Variants in MANEA observed in about 807,000 individuals in gnomAD.
MANEA encodes the protein mannosidase endo-alpha.
Under a neutral mutation model 36.8 loss-of-function variants are expected in MANEA, and 25 were observed. The observed-to-expected ratio is 0.68, with a 90% CI of 0.50 to 0.95. The LOEUF (loss-of-function observed/expected upper bound fraction) is 0.95, where lower values mean the gene tolerates loss of function less well. Among genes scored for constraint, MANEA ranks in the 40% least tolerant of loss-of-function variants. The pLI, the probability that MANEA is intolerant of heterozygous loss-of-function variation, is 0.00. For synonymous variants in MANEA, 198 were observed against 188.5 expected, an observed-to-expected ratio of 1.05 and a Z score of -0.41; for missense variants, 565 against 558.8, an observed-to-expected ratio of 1.01 and a Z score of -0.11.
At chr6:95,587,024 T>C in intron 2 of MANEA, 41 bp downstream of exon 2, 1 of 1,133,046 alleles carries the variant, frequency 8.8e-7, no homozygotes, top group Non-Finnish European at 1.3e-6. Flanking sequence ...TGTGTCTGTA[T>C]ATATGCATAT....
At chr6:95,580,222 A>T (rs1769153562) in intron 1 of MANEA, among the ~76,000 whole-genome samples, 1 of 151,840 alleles carries the variant, frequency 6.6e-6, no homozygotes. Flanking sequence ...AGATATACAT[A>T]TATATATATA....
In MANEA at chr6:95,606,485, CTG is replaced by C. The variant is rs1360373764; in HGVS notation, c.*82_*83del. 8.0e-6 allele frequency: 8 copies of C among 996,094 alleles called. No individual in the cohort carries two copies. Among genetic ancestry groups the C allele is most frequent in the Non-Finnish European group, 1.2e-5 (8 of 694,890 alleles). 61.7% of individuals were successfully genotyped at this position (996,094 alleles called of 1,614,324 possible). ...TTCGTTTTGAGTTCTGGAAAGAAAA[CTG>C]TCAAAATCAGTATATACTATTAGTT... On this transcript the variant is annotated 3_prime_UTR_variant, in exon 5 of 5. Transcript: ENST00000358812.
At chr6:95,590,722 C>CA (rs929609486) in intron 2 of MANEA, among the ~76,000 whole-genome samples, 179 of 151,822 alleles carry the variant, frequency 1.2e-3, no homozygotes, top group African/African-American at 4.2e-3. Context: ...CCTTTGGCTA[C>CA]AAAAAAAATT....
At chr6:95,577,892 C>T (rs529552061) in intron 1 of MANEA, among the ~76,000 whole-genome samples, 1 of 152,262 alleles carries the variant, frequency 6.6e-6, no homozygotes, top group Non-Finnish European at 1.5e-5. Flanking sequence ...CTGCCTTTTA[C>T]ACTGCTTTAT....
chr6:95,577,709 C>G (rs114256845), intron 1 of MANEA, 71 bp downstream of exon 1: 2 of 152,286 alleles, frequency 1.3e-5, no homozygotes, highest in African/African-American at 4.8e-5. Context: ...CGAGGTCCAC[C>G]GCGGGCGCCT....
At chr6:95,599,371 G>A (rs1769546462) in intron 3 of MANEA, among the ~76,000 whole-genome samples, 1 of 151,116 alleles carries the variant, frequency 6.6e-6, no homozygotes, top group African/African-American at 2.4e-5. Context: ...AGCTGAGATT[G>A]GTGCCACTGC....
chr6:95,578,453 G>A (rs545730570), intron 1 of MANEA, among the ~76,000 whole-genome samples: 69 of 152,260 alleles, frequency 4.5e-4, no homozygotes, highest in African/African-American at 1.6e-3. Context: ...GGAATAGGCT[G>A]TTCACGTTAA....
intron 1 of MANEA, among the ~76,000 whole-genome samples, chr6:95,579,220 A>G (rs1467005262): frequency 6.6e-6 from 1 of 152,116 alleles, no homozygotes; most frequent in Non-Finnish European, 1.5e-5. Flanking sequence ...TAAAAATACA[A>G]AAATTAGCTG....
rs977744277 is a variant in MANEA at position 95,607,017 on chromosome 6, A to G, written c.*612A>G. The G allele has an allele frequency of 2.0e-5, 3 of 152,094 alleles. No individual in the cohort carries two copies. Among genetic ancestry groups the G allele is most frequent in the Admixed American group, 1.3e-4 (2 of 15,248 alleles). The allele number at this position is 152,094 out of a possible 1,614,324, so 9.4% of individuals were successfully genotyped here. ...ATACTCTTATTTTTTATTTAATTTAATTACATAAATTAAACCTTACCATGA... is the reference window on the plus strand; with the variant it reads ...ATACTCTTATTTTTTATTTAATTTAGTTACATAAATTAAACCTTACCATGA... On this transcript the variant is annotated 3_prime_UTR_variant, in exon 5 of 5. Transcript: ENST00000358812.
At chr6:95,597,040 C>T (rs1414850361) in intron 3 of MANEA, among the ~76,000 whole-genome samples, 194 bp downstream of exon 3, 1 of 151,710 alleles carries the variant, frequency 6.6e-6, no homozygotes, top group African/African-American at 2.4e-5. Context: ...AGATTCTTTA[C>T]TATGTTTCTA....
At chr6:95,593,193 A>G (rs771633638) in intron 2 of MANEA, among the ~76,000 whole-genome samples, 2 of 152,200 alleles carry the variant, frequency 1.3e-5, no homozygotes, top group African/African-American at 2.4e-5. Context: ...TAAATTCCCA[A>G]CACTCCTCAG....
intron 3 of MANEA, among the ~76,000 whole-genome samples, chr6:95,604,105 C>G (rs1220971826): frequency 1.7e-5 from 1 of 58,550 alleles, no homozygotes; most frequent in Non-Finnish European, 4.2e-5. Context: ...TATGGGATAT[C>G]CAAACCATAA....
chr6:95,591,688 T>G (rs1482370159), intron 2 of MANEA, among the ~76,000 whole-genome samples: 1 of 152,070 alleles, frequency 6.6e-6, no homozygotes, highest in Non-Finnish European at 1.5e-5. Flanking sequence ...TTTTGCTAAA[T>G]TCTTAGTGAT....
intron 1 of MANEA, among the ~76,000 whole-genome samples, chr6:95,583,766 T>C (rs533576835): frequency 5.9e-5 from 9 of 152,276 alleles, no homozygotes; most frequent in Admixed American, 5.2e-4. Context: ...AATGTTTACT[T>C]TATATGTTTT....
At chr6:95,578,621 A>G (rs1052498214) in intron 1 of MANEA, among the ~76,000 whole-genome samples, 3 of 152,136 alleles carry the variant, frequency 2.0e-5, no homozygotes, top group Admixed American at 6.5e-5. Flanking sequence ...GTGGATTTTC[A>G]GGCTCAATGC....
At chr6:95,583,905 G>C (rs1382849659) in intron 1 of MANEA, among the ~76,000 whole-genome samples, 1 of 152,170 alleles carries the variant, frequency 6.6e-6, no homozygotes, top group Non-Finnish European at 1.5e-5. Flanking sequence ...TACTTGGTTA[G>C]TTTAGTGTTT....
At chr6:95,597,638 A>G (rs1202474057) in intron 3 of MANEA, among the ~76,000 whole-genome samples, 4 of 152,066 alleles carry the variant, frequency 2.6e-5, no homozygotes, top group Non-Finnish European at 4.4e-5. Context: ...AGTCCAAACC[A>G]TTTAGAAAGT....
chr6:95,591,563 TG>T (rs1769386102), intron 2 of MANEA, among the ~76,000 whole-genome samples: 1 of 152,150 alleles, frequency 6.6e-6, no homozygotes, highest in Non-Finnish European at 1.5e-5. Flanking sequence ...TTTTCTATTT[TG>T]TTTTTTAGCA....
At chr6:95,596,712 C>CTTTCTTTTTGGTCT (rs1562199073) in intron 2 of MANEA, 25 bp from the exon 3 acceptor site, 1 of 1,253,364 alleles carries the variant, frequency 8.0e-7, no homozygotes, top group East Asian at 2.3e-5. Context: ...TGTCTTTTCC[C>CTTTCTTTTTGGTCT]TTTCTTTTTG....
Sources: gnomAD v4.1 joint callset for allele counts (sites outside exome capture counted in the v4.1 genomes callset) on GRCh38, gnomAD v4.1.1 for gene constraint, MANE v1.5 for transcripts, NCBI Gene and HGNC (gene_info 2026-07-23, HGNC 2026-07-21) for gene names.